Variants in SPATS2L observed in about 807,000 individuals in gnomAD.
The protein encoded by SPATS2L is SPATS2-like protein.
Under a neutral mutation model 59.6 loss-of-function variants are expected in SPATS2L, and 30 were observed. The observed-to-expected ratio is 0.50, with a 90% CI of 0.38 to 0.68. SPATS2L has a LOEUF of 0.68. SPATS2L is among the 30% of genes least tolerant of loss of function. The pLI is 0.00. For missense variants in SPATS2L, 615 were observed against 700.0 expected, an observed-to-expected ratio of 0.88 and a Z score of 1.37; for synonymous variants, 252 against 263.5, an observed-to-expected ratio of 0.96 and a Z score of 0.42.
chr2:200,325,128 G>A (rs776834747), intron 1 of SPATS2L, among the ~76,000 whole-genome samples: 1 of 152,016 alleles, frequency 6.6e-6, no homozygotes, highest in Non-Finnish European at 1.5e-5. Context: ...AAAAGCCAGG[G>A]AATCTATAAT....
At chr2:200,416,451 A>T in intron 5 of SPATS2L, 23 bp downstream of exon 5, 1 of 1,294,662 alleles carries the variant, frequency 7.7e-7, no homozygotes, top group Non-Finnish European at 1.1e-6. Flanking sequence ...TTGATTGTAA[A>T]TTGGTAACAT....
intron 5 of SPATS2L, among the ~76,000 whole-genome samples, chr2:200,417,835 A>C (rs942137981): frequency 7.9e-5 from 12 of 152,218 alleles, no homozygotes; most frequent in African/African-American, 2.9e-4. Flanking sequence ...AGCCACGCTG[A>C]TGTTCAGCTG....
intron 1 of SPATS2L, among the ~76,000 whole-genome samples, chr2:200,311,371 A>G (rs1361314120): frequency 6.6e-6 from 1 of 152,196 alleles, no homozygotes; most frequent in Non-Finnish European, 1.5e-5. Flanking sequence ...AGTTGGGATA[A>G]TGATGGAGTC....
At chr2:200,370,667 A>G (rs1486292821) in intron 2 of SPATS2L, among the ~76,000 whole-genome samples, 2 of 152,228 alleles carry the variant, frequency 1.3e-5, no homozygotes, top group Non-Finnish European at 2.9e-5. Context: ...AATCTTCACA[A>G]TTCTGTGTAG....
chr2:200,476,109 G>A (rs1422012221), intron 12 of SPATS2L, among the ~76,000 whole-genome samples: 1 of 152,134 alleles, frequency 6.6e-6, no homozygotes, highest in South Asian at 2.1e-4. Context: ...TGACCTTGAG[G>A]AGTTCAGAAA....
At chr2:200,357,070 C>T (rs1455545850) in intron 2 of SPATS2L, among the ~76,000 whole-genome samples, 1 of 152,174 alleles carries the variant, frequency 6.6e-6, no homozygotes, top group East Asian at 1.9e-4. Flanking sequence ...TTGTTACTTT[C>T]AAGGATCTAG....
chr2:200,426,082 C>CTTTTTT (rs769997762), intron 6 of SPATS2L, among the ~76,000 whole-genome samples: 1 of 62,322 alleles, frequency 1.6e-5, no homozygotes, highest in Non-Finnish European at 2.8e-5. Flanking sequence ...TAGGTTTTTA[C>CTTTTTT]TTTTTTTTTT....
In SPATS2L at chr2:200,461,629, C is replaced by T. The variant is rs950466734; in HGVS notation, c.847+1802C>T. Among the ~76,000 whole-genome samples the T allele has an allele frequency of 9.9e-5, 15 of 152,182 alleles. 1 individual carries two copies. The highest frequency in any genetic ancestry group is 8.8e-5 in the Non-Finnish European group (6 of 68,036). Reference sequence around the variant, plus strand: ...CTTGTCTCCTGGGCATTTTAAATTCCTCATCTTTACCCAAAGATGAATTGG... The same window carrying T: ...CTTGTCTCCTGGGCATTTTAAATTCTTCATCTTTACCCAAAGATGAATTGG... On this transcript the variant is annotated intron_variant, in intron 9 of 12. Coordinates refer to ENST00000409140, the MANE Select transcript of SPATS2L (RefSeq NM_001100423.2).
In SPATS2L at chr2:200,338,385, T is replaced by C. The variant is rs59465555; in HGVS notation, c.-23+8905T>C. ...TTTAGTAGATTGAGATCTTCTAATATATGGAGTTTATATTGTAGTGGGAGG... is the reference window on the plus strand; with the variant it reads ...TTTAGTAGATTGAGATCTTCTAATACATGGAGTTTATATTGTAGTGGGAGG... On this transcript the variant is annotated intron_variant, in intron 2 of 12. Coordinates refer to ENST00000409140, the MANE Select transcript of SPATS2L (RefSeq NM_001100423.2). Among the ~76,000 whole-genome samples the C allele has an allele frequency of 1.3e-3, 197 of 152,252 alleles. 3 individuals carry two copies. The East Asian group carries it at 0.032, about 25-fold the overall frequency.
At chr2:200,389,134 T>G in intron 2 of SPATS2L, 89 bp from the exon 3 acceptor site, 1 of 758,966 alleles carries the variant, frequency 1.3e-6, no homozygotes, top group Non-Finnish European at 2.2e-6. Flanking sequence ...TATGACCGAA[T>G]GAAGTTGTTT....
intron 3 of SPATS2L, among the ~76,000 whole-genome samples, chr2:200,409,451 T>C (rs564501277): frequency 1.0e-3 from 157 of 152,322 alleles, no homozygotes; most frequent in African/African-American, 3.5e-3. Context: ...TATTTTTATG[T>C]GCACATGTGA....
chr2:200,349,374 A>G lies in SPATS2L; in HGVS notation c.-23+19894A>G, dbSNP rs572071160. Among the ~76,000 whole-genome samples the G allele has an allele frequency of 3.3e-5, 5 of 152,300 alleles. No homozygotes were observed. In the East Asian group the frequency reaches 7.7e-4, roughly 24 times the overall value. On this transcript the variant is annotated intron_variant, in intron 2 of 12. Transcript: ENST00000409140. ...ACGTAGGCCGGGCATGGTGGCTCAC[A>G]CCTGCAATCCCAGCACTTTGGGAGG...
chr2:200,450,193 A>G (rs183342403), intron 8 of SPATS2L, among the ~76,000 whole-genome samples: 1 of 152,342 alleles, frequency 6.6e-6, no homozygotes, highest in African/African-American at 2.4e-5. Context: ...GAAAATTCAT[A>G]TATAAGTAAT....
upstream of SPATS2L, chr2:200,306,408 A>G: frequency 2.0e-6 from 2 of 1,002,368 alleles, no homozygotes; most frequent in Non-Finnish European, 2.4e-6. Flanking sequence ...GGTCTGGAGC[A>G]AGCAAGCAAA....
At chr2:200,400,856 A>G (rs1344671976) in intron 3 of SPATS2L, among the ~76,000 whole-genome samples, 1 of 152,224 alleles carries the variant, frequency 6.6e-6, no homozygotes, top group Non-Finnish European at 1.5e-5. Flanking sequence ...CAAAGTATAG[A>G]CGAAGAATTG....
chr2:200,450,138 C>T (rs2085338194), intron 8 of SPATS2L, among the ~76,000 whole-genome samples: 1 of 152,184 alleles, frequency 6.6e-6, no homozygotes, highest in Non-Finnish European at 1.5e-5. Context: ...AACTCCTTCT[C>T]AGCTACAAAG....
Position 200,348,723 on chromosome 2 carries a change from A to G in SPATS2L, c.-23+19243A>G, listed in dbSNP as rs1242859987. Among the ~76,000 whole-genome samples the G allele has an allele frequency of 2.6e-5, 4 of 152,190 alleles. No individual in the cohort carries two copies. The East Asian group carries it at 7.7e-4, about 29-fold the overall frequency. Reference sequence around the variant, plus strand: ...TCCCTCCTTTGTAGGATAGGCACACATGAGAATCTAATGAGAAAAGGCCTG... The same window carrying G: ...TCCCTCCTTTGTAGGATAGGCACACGTGAGAATCTAATGAGAAAAGGCCTG... On this transcript the variant is annotated intron_variant, in intron 2 of 12. Coordinates refer to ENST00000409140, the MANE Select transcript of SPATS2L (RefSeq NM_001100423.2).
chr2:200,330,110 T>A (rs2079885045), intron 2 of SPATS2L, among the ~76,000 whole-genome samples: 1 of 101,838 alleles, frequency 9.8e-6, no homozygotes, highest in Non-Finnish European at 2.3e-5. Flanking sequence ...TCCTCTTCTT[T>A]AAGATGGGGT....
rs1318334399 is a variant in SPATS2L, at chr2:200,477,904, C to T, written c.1550C>T (p.Thr517Ile). Residue 517 changes from threonine (T) to isoleucine (I), a missense_variant, in exon 13 of 13, where the codon ACC becomes ATC. Physicochemically the swap from Thr to Ile is moderately conservative, Grantham distance 89. This residue lies in a region of SPATS2L where 284 missense variants were observed against 280.1 expected (regional missense o/e 1.01). Transcript: ENST00000409140. ...KPRRRQHAAD[T>I]SEARPFRGSV... ...CGGCGAAGGCAGCACGCTGCAGACACCTCGGAGGCCAGGCCCTTCCGGGGT... is the reference window on the plus strand; with the variant it reads ...CGGCGAAGGCAGCACGCTGCAGACATCTCGGAGGCCAGGCCCTTCCGGGGT... The T allele has an allele frequency of 6.2e-7, 1 of 1,611,948 alleles. No homozygotes were observed. The highest frequency in any genetic ancestry group is 8.5e-7 in the Non-Finnish European group (1 of 1,179,316).
Sources: gnomAD v4.1 joint callset for allele counts (sites outside exome capture counted in the v4.1 genomes callset) on GRCh38, gnomAD v4.1.1 for gene constraint, gnomAD v4.1.1 regional missense constraint, MANE v1.5 for transcripts, NCBI Gene and HGNC (gene_info 2026-07-23, HGNC 2026-07-21) for gene names.